Variants in CNTLN observed in about 807,000 individuals in gnomAD.
The protein encoded by CNTLN is centlein, centrosomal protein.
A neutral mutation model predicts 180.0 loss-of-function variants in CNTLN; 212 were observed. That is an observed-to-expected ratio of 1.18 (90% CI 1.05 to 1.32). The LOEUF (loss-of-function observed/expected upper bound fraction) is 1.32, where lower values mean the gene tolerates loss of function less well. CNTLN is among the 40% of genes most tolerant of loss of function. The probability of loss-of-function intolerance (pLI) is 0.00; values close to 1 mark genes in which losing one functional copy is unlikely to be tolerated. For missense variants in CNTLN, 2,095 were observed against 1,610.9 expected, an observed-to-expected ratio of 1.30 and a Z score of -5.14; for synonymous variants, 722 against 563.1, an observed-to-expected ratio of 1.28 and a Z score of -3.99.
chr9:17,176,179 C>T (rs1028512677), intron 2 of CNTLN, among the ~76,000 whole-genome samples: 4 of 151,840 alleles, frequency 2.6e-5, no homozygotes, highest in Non-Finnish European at 4.4e-5. Flanking sequence ...TTGCCCTGCT[C>T]CTATTTTAGA....
intron 24 of CNTLN, among the ~76,000 whole-genome samples, chr9:17,486,058 T>C (rs914798581): frequency 2.0e-5 from 3 of 152,112 alleles, no homozygotes; most frequent in African/African-American, 7.2e-5. Flanking sequence ...GAATAAGAGA[T>C]ATAAACACAC....
At chr9:17,186,313 A>G (rs1347900046) in intron 2 of CNTLN, among the ~76,000 whole-genome samples, 1 of 152,146 alleles carries the variant, frequency 6.6e-6, no homozygotes, top group African/African-American at 2.4e-5. Context: ...TGGTCTCAGC[A>G]TGTCTCTTTA....
At chr9:17,262,873 G>T (rs1029333454) in intron 5 of CNTLN, among the ~76,000 whole-genome samples, 3 of 151,104 alleles carry the variant, frequency 2.0e-5, no homozygotes, top group African/African-American at 7.4e-5. Context: ...AGTATTTTGG[G>T]GTGTGTTCCG....
intron 13 of CNTLN, among the ~76,000 whole-genome samples, chr9:17,387,476 G>A (rs1016219985): frequency 1.1e-4 from 17 of 152,008 alleles, no homozygotes; most frequent in African/African-American, 3.9e-4. Context: ...GAAGTTTTAT[G>A]ACTTTGTTTT....
chr9:17,156,888 C>G (rs898104552), intron 2 of CNTLN, among the ~76,000 whole-genome samples: 7 of 152,076 alleles, frequency 4.6e-5, no homozygotes, highest in African/African-American at 1.7e-4. Flanking sequence ...TGGACTTAAT[C>G]CTTTGGGAAG....
chr9:17,257,852 A>C (rs1400916865), intron 5 of CNTLN, among the ~76,000 whole-genome samples: 1 of 144,450 alleles, frequency 6.9e-6, no homozygotes, highest in Non-Finnish European at 1.5e-5. Flanking sequence ...AATTTGTTTG[A>C]GTTCATTGTA....
At chr9:17,516,249 T>C in the CNTLN span, among the ~76,000 whole-genome samples, 1 of 152,204 alleles carries the variant, frequency 6.6e-6, no homozygotes. Flanking sequence ...AGTGGTACCA[T>C]GTTGCACATA....
chr9:17,292,219 G>A (rs1312087240), intron 6 of CNTLN, among the ~76,000 whole-genome samples: 1 of 151,984 alleles, frequency 6.6e-6, no homozygotes, highest in Non-Finnish European at 1.5e-5. Flanking sequence ...TTTCTCTCTG[G>A]CTGCTGTTAA....
intron 5 of CNTLN, among the ~76,000 whole-genome samples, chr9:17,238,403 T>C (rs923451955): frequency 1.1e-4 from 16 of 152,338 alleles, no homozygotes; most frequent in African/African-American, 3.8e-4. Flanking sequence ...GATTGTTCAC[T>C]GATCTTCTCC....
chr9:17,157,428 A>G (rs894263537), intron 2 of CNTLN, among the ~76,000 whole-genome samples: 8 of 152,188 alleles, frequency 5.3e-5, no homozygotes, highest in Non-Finnish European at 1.2e-4. Flanking sequence ...GTGAAGGTAG[A>G]GAAAGGGGGT....
At chr9:17,189,572 C>A (rs532165825) in intron 2 of CNTLN, among the ~76,000 whole-genome samples, 1 of 151,982 alleles carries the variant, frequency 6.6e-6, no homozygotes, top group South Asian at 2.1e-4. Context: ...CAACCTCCGC[C>A]TCCCAGGTTC....
At chr9:17,351,614 T>G (rs936582748) in intron 12 of CNTLN, among the ~76,000 whole-genome samples, 1 of 152,148 alleles carries the variant, frequency 6.6e-6, no homozygotes, top group African/African-American at 2.4e-5. Context: ...ATATTTCACA[T>G]CACAAACATC....
intron 23 of CNTLN, among the ~76,000 whole-genome samples, chr9:17,481,250 T>C (rs547836404): frequency 6.5e-4 from 99 of 152,212 alleles, no homozygotes; most frequent in African/African-American, 2.3e-3. Context: ...AGCCAACCCA[T>C]TGACCCTGCC....
intron 2 of CNTLN, among the ~76,000 whole-genome samples, chr9:17,216,771 T>G (rs1823785687): frequency 6.6e-6 from 1 of 152,232 alleles, no homozygotes; most frequent in Non-Finnish European, 1.5e-5. Flanking sequence ...AGCTGCTATA[T>G]GGTTGTACCC....
intron 18 of CNTLN, among the ~76,000 whole-genome samples, chr9:17,441,501 A>G (rs920589871): frequency 6.6e-6 from 1 of 152,078 alleles, no homozygotes; most frequent in Non-Finnish European, 1.5e-5. Flanking sequence ...GTTATAAACA[A>G]TATATTTTAT....
Position 17,366,658 on chromosome 9 carries a change from T to A in CNTLN, c.1928T>A (p.Ile643Lys). The A allele has an allele frequency of 6.3e-7, 1 of 1,585,720 alleles. No homozygotes were observed. Among genetic ancestry groups the A allele is most frequent in the Non-Finnish European group, 8.6e-7 (1 of 1,160,344 alleles). ...EEELDELKVH[I>K]SIDKAAIQEL... is the part of the protein sequence containing the mutation. Reference sequence around the variant, plus strand: ...GAATTAGATGAACTTAAAGTACATATATCTATTGATAAGGCAGCAATACAA... The same window carrying A: ...GAATTAGATGAACTTAAAGTACATAAATCTATTGATAAGGCAGCAATACAA... The change falls in exon 13 of 26, where the codon ATA (isoleucine) becomes AAA (lysine). Residue 643 changes from isoleucine (I) to lysine (K), a missense_variant. Ile to Lys is a moderately radical substitution (Grantham distance 102). Transcript: ENST00000380647.
intron 7 of CNTLN, among the ~76,000 whole-genome samples, chr9:17,303,833 C>G (rs937785325): frequency 6.6e-6 from 1 of 152,040 alleles, no homozygotes; most frequent in Non-Finnish European, 1.5e-5. Context: ...TTAATATTTT[C>G]GAATAATAAT....
chr9:17,395,186 G>C, intron 15 of CNTLN, 117 bp downstream of exon 15: 2 of 1,396,124 alleles, frequency 1.4e-6, no homozygotes, highest in Non-Finnish European at 1.9e-6. Context: ...AATACTGTCA[G>C]ATCCTTTGAA....
intron 8 of CNTLN, among the ~76,000 whole-genome samples, chr9:17,317,984 A>G (rs1471456885): frequency 6.6e-6 from 1 of 151,222 alleles, no homozygotes; most frequent in Non-Finnish European, 1.5e-5. Flanking sequence ...GGGGTGACTT[A>G]TTCAGAAGAG....
Sources: allele counts gnomAD v4.1 joint callset (sites outside exome capture counted in the v4.1 genomes callset), GRCh38; gene constraint gnomAD v4.1.1; transcripts MANE v1.5; gene names NCBI Gene and HGNC (gene_info 2026-07-23, HGNC 2026-07-21).